CSMD3: variants seen among roughly 807,000 people sequenced by gnomAD.
CSMD3 encodes CUB and sushi domain-containing protein 3.
A neutral mutation model predicts 435.2 loss-of-function variants in CSMD3; 177 were observed. The ratio of observed to expected loss-of-function variants is 0.41; its 90% CI spans 0.36 to 0.46. The LOEUF (loss-of-function observed/expected upper bound fraction) is 0.46. Among genes scored for constraint, CSMD3 ranks in the 20% least tolerant of loss-of-function variants. The probability of loss-of-function intolerance (pLI) is 0.34; values close to 1 mark genes in which losing one functional copy is unlikely to be tolerated. For synonymous variants in CSMD3, 1,656 were observed against 1,520.5 expected (o/e 1.09, Z -2.07); for missense variants, 4,265 against 4,504.6 (o/e 0.95, Z 1.52).
At chr8:112,436,769 A>C (rs1431470514) in intron 32 of CSMD3, among the ~76,000 whole-genome samples, 1 of 152,052 alleles carries the variant, frequency 6.6e-6, no homozygotes, top group Non-Finnish European at 1.5e-5. Flanking sequence ...TCTAGGTTCT[A>C]TATAAATTTT....
At chr8:112,377,605 TA>T (rs1829065572) in intron 38 of CSMD3, among the ~76,000 whole-genome samples, 3 of 152,058 alleles carry the variant, frequency 2.0e-5, no homozygotes, top group Admixed American at 2.0e-4. Context: ...AACAACATGA[TA>T]GTAAGCCAAA....
chr8:112,594,809 C>T (rs1361906559), intron 22 of CSMD3, among the ~76,000 whole-genome samples: 5 of 152,158 alleles, frequency 3.3e-5, no homozygotes, highest in Admixed American at 1.3e-4. Context: ...AGGGTCCTGT[C>T]TGTTAGAAAG....
At chr8:112,853,839 C>T (rs1299387775) in intron 11 of CSMD3, among the ~76,000 whole-genome samples, 1 of 152,062 alleles carries the variant, frequency 6.6e-6, no homozygotes, top group Non-Finnish European at 1.5e-5. Context: ...TGTATTCTGC[C>T]CTTTGATATT....
intron 35 of CSMD3, among the ~76,000 whole-genome samples, chr8:112,395,064 T>C (rs1830752082): frequency 6.6e-6 from 1 of 152,216 alleles, no homozygotes; most frequent in Non-Finnish European, 1.5e-5. Context: ...TTTATTTATT[T>C]ACCAACAAAA....
At chr8:112,710,952 T>TA (rs975225491) in intron 13 of CSMD3, among the ~76,000 whole-genome samples, 2 of 151,878 alleles carry the variant, frequency 1.3e-5, no homozygotes, top group Admixed American at 1.3e-4. Flanking sequence ...TTAGATCCAC[T>TA]TTCTGGAGCC....
chr8:113,385,549 A>G (rs1437526212), intron 1 of CSMD3, among the ~76,000 whole-genome samples: 1 of 152,070 alleles, frequency 6.6e-6, no homozygotes, highest in Non-Finnish European at 1.5e-5. Context: ...CCTTGCGCTG[A>G]TTTCACATAA....
intron 1 of CSMD3, among the ~76,000 whole-genome samples, chr8:113,386,591 A>T (rs1157840457): frequency 6.6e-6 from 1 of 151,748 alleles, no homozygotes; most frequent in Admixed American, 6.6e-5. Flanking sequence ...AAAAAATCAT[A>T]TTTCACAAGC....
At chr8:112,346,964 G>C (rs1206591220) in intron 40 of CSMD3, among the ~76,000 whole-genome samples, 1 of 151,844 alleles carries the variant, frequency 6.6e-6, no homozygotes, top group Non-Finnish European at 1.5e-5. Flanking sequence ...TTGTGAGAAG[G>C]CTCAATAAAG....
chr8:112,747,430 T>G (rs1260014430), intron 13 of CSMD3, among the ~76,000 whole-genome samples: 2 of 151,944 alleles, frequency 1.3e-5, no homozygotes, highest in Non-Finnish European at 2.9e-5. Flanking sequence ...TATGGACAGA[T>G]GAAAGTTGAT....
chr8:112,648,051 G>T (rs1419820432), intron 19 of CSMD3, among the ~76,000 whole-genome samples: 1 of 152,154 alleles, frequency 6.6e-6, no homozygotes, highest in Non-Finnish European at 1.5e-5. Flanking sequence ...CACAAAAGCT[G>T]ATGTATGTTA....
At chr8:112,512,162 A>G (rs1229550676) in intron 28 of CSMD3, among the ~76,000 whole-genome samples, 1 of 152,180 alleles carries the variant, frequency 6.6e-6, no homozygotes, top group Non-Finnish European at 1.5e-5. Flanking sequence ...TCTGCCTCTC[A>G]TGAATCACAA....
intron 3 of CSMD3, among the ~76,000 whole-genome samples, chr8:113,222,214 T>G (rs2092975653): frequency 6.6e-6 from 1 of 151,236 alleles, no homozygotes; most frequent in Admixed American, 6.6e-5. Flanking sequence ...TATTAAAATC[T>G]GTTATTTTTC....
intron 10 of CSMD3, among the ~76,000 whole-genome samples, chr8:112,871,255 A>G (rs1029068566): frequency 1.3e-5 from 2 of 152,248 alleles, no homozygotes; most frequent in Non-Finnish European, 2.9e-5. Flanking sequence ...GGCTCAGGAT[A>G]GTAAATAATT....
chr8:112,774,505 T>C (rs1315778341), intron 13 of CSMD3, among the ~76,000 whole-genome samples: 2 of 152,076 alleles, frequency 1.3e-5, no homozygotes, highest in South Asian at 4.1e-4. Flanking sequence ...GGTGAAATTA[T>C]ATGCACTGAG....
intron 13 of CSMD3, among the ~76,000 whole-genome samples, chr8:112,771,351 C>T (rs2078109031): frequency 6.6e-6 from 1 of 151,746 alleles, no homozygotes; most frequent in Non-Finnish European, 1.5e-5. Flanking sequence ...TAAGCCTGGC[C>T]AATGTGGCAA....
rs1158781908 is a variant in CSMD3, at chr8:112,267,764, C to T, written c.9509-2174G>A. Among the ~76,000 whole-genome samples the T allele has an allele frequency of 2.0e-5, 3 of 152,026 alleles. No individual in the cohort carries two copies. In the East Asian group the frequency reaches 5.8e-4, roughly 29 times the overall value. ...AGAAAGAGTTCTGCACATCATGGCA[C>T]CACCATGAATGAAATGCGTGACAAC... On this transcript the variant is annotated intron_variant, in intron 59 of 70. Coordinates refer to ENST00000297405, the MANE Select transcript of CSMD3 (RefSeq NM_198123.2).
intron 32 of CSMD3, among the ~76,000 whole-genome samples, chr8:112,461,295 C>G (rs1411518521): frequency 6.6e-6 from 1 of 151,978 alleles, no homozygotes; most frequent in African/African-American, 2.4e-5. Context: ...TTTAATCTGT[C>G]ATGGTATGAA....
chr8:112,727,648 A>T (rs2076994051), intron 13 of CSMD3, among the ~76,000 whole-genome samples: 1 of 151,774 alleles, frequency 6.6e-6, no homozygotes, highest in Non-Finnish European at 1.5e-5. Flanking sequence ...AAAACTTAAT[A>T]TTTCCATTTT....
chr8:113,150,665 A>G (rs2091785158), intron 4 of CSMD3, among the ~76,000 whole-genome samples: 1 of 152,024 alleles, frequency 6.6e-6, no homozygotes, highest in Non-Finnish European at 1.5e-5. Flanking sequence ...TAGAAAATGA[A>G]TATGGGAAAG....
Sources: allele counts gnomAD v4.1 joint callset (sites outside exome capture counted in the v4.1 genomes callset), GRCh38; gene constraint gnomAD v4.1.1; transcripts MANE v1.5; gene names NCBI Gene and HGNC (gene_info 2026-07-23, HGNC 2026-07-21).